Variants in PAPPA observed in about 807,000 individuals in gnomAD.
PAPPA encodes pappalysin-1.
A neutral mutation model predicts 164.0 loss-of-function variants in PAPPA; 60 were observed. The ratio of observed to expected loss-of-function variants is 0.37; its 90% confidence interval spans 0.30 to 0.45. The LOEUF is 0.45. Ranked by LOEUF, PAPPA falls within the 20% of genes least tolerant of loss-of-function variation. The pLI is 1.00. For missense variants in PAPPA, 1,782 were observed against 2,087.3 expected (o/e 0.85, Z 2.85); for synonymous variants, 875 against 814.1 (o/e 1.07, Z -1.27).
intron 1 of PAPPA, among the ~76,000 whole-genome samples, chr9:116,170,094 A>G (rs1009108115): frequency 2.0e-5 from 3 of 152,130 alleles, no homozygotes; most frequent in African/African-American, 4.8e-5. Flanking sequence ...GAGGTTGTGC[A>G]TATTTTTCTG....
chr9:116,252,708 C>T (rs560694977), intron 7 of PAPPA, among the ~76,000 whole-genome samples: 1 of 152,320 alleles, frequency 6.6e-6, no homozygotes, highest in Admixed American at 6.5e-5. Context: ...TTCTCCGTCA[C>T]TTGATGATTC....
chr9:116,190,624 A>T (rs574372437), intron 2 of PAPPA, among the ~76,000 whole-genome samples: 2 of 152,358 alleles, frequency 1.3e-5, no homozygotes, highest in South Asian at 4.1e-4. Flanking sequence ...TGGGGAAAAA[A>T]ACTGTGTATC....
intron 1 of PAPPA, among the ~76,000 whole-genome samples, chr9:116,180,647 C>T (rs748065724): frequency 1.3e-5 from 2 of 152,074 alleles, no homozygotes; most frequent in Non-Finnish European, 2.9e-5. Flanking sequence ...ATACGAATTG[C>T]ATATAAATTG....
intron 9 of PAPPA, among the ~76,000 whole-genome samples, chr9:116,293,656 A>G (rs1845464313): frequency 6.6e-6 from 1 of 152,234 alleles, no homozygotes; most frequent in Admixed American, 6.5e-5. Context: ...GTAGGAGTCT[A>G]TGAAGTATTT....
chr9:116,169,330 TTTTTTTTG>T (rs1843749467), intron 1 of PAPPA, among the ~76,000 whole-genome samples: 1 of 128,320 alleles, frequency 7.8e-6, no homozygotes, highest in Non-Finnish European at 1.7e-5. Context: ...TTTTTTTTTT[TTTTTTTTG>T]AGATGGAGTC....
At chr9:116,300,595 A>G (rs1845568981) in intron 9 of PAPPA, among the ~76,000 whole-genome samples, 1 of 152,166 alleles carries the variant, frequency 6.6e-6, no homozygotes, top group Non-Finnish European at 1.5e-5. Context: ...TTTTGATAGT[A>G]TTTCACTGGG....
rs150845126 is a variant in PAPPA, at chr9:116,293,913, G to A, written c.2954-8844G>A. On this transcript the variant is annotated intron_variant, in intron 9 of 21. Coordinates refer to ENST00000328252, the MANE Select transcript of PAPPA (RefSeq NM_002581.5). ...TGCAGTGAGCCAAGATTGCACCATTGCACTTCAGCCTGGGCAACAAGAGCA... is the reference window on the plus strand; with the variant it reads ...TGCAGTGAGCCAAGATTGCACCATTACACTTCAGCCTGGGCAACAAGAGCA... Among the ~76,000 whole-genome samples, 51 of 152,228 alleles carry A rather than the reference G, an allele frequency of 3.4e-4. No homozygotes were observed. The East Asian group carries it at 9.3e-3, about 28-fold the overall frequency.
At chr9:116,334,249 A>AAAC (rs1321904411) in intron 12 of PAPPA, among the ~76,000 whole-genome samples, 1 of 150,974 alleles carries the variant, frequency 6.6e-6, no homozygotes, top group Non-Finnish European at 1.5e-5. Flanking sequence ...AAAAAAAAAA[A>AAAC]AAAAAAAAAA....
rs918967229 is a variant in PAPPA, at chr9:116,303,783, G to A, written c.3147+833G>A. On this transcript the variant is annotated intron_variant, in intron 10 of 21. Transcript: ENST00000328252. Reference sequence around the variant, plus strand: ...TTGCTTTCTTGATTTAGGTTTAGTCGGGTAGCCCTGGCTTCTAGATGAAAG... The same window carrying A: ...TTGCTTTCTTGATTTAGGTTTAGTCAGGTAGCCCTGGCTTCTAGATGAAAG... Among the ~76,000 whole-genome samples, 8 of 152,230 alleles carry A rather than the reference G, an allele frequency of 5.3e-5. No homozygotes were observed. The South Asian group carries it at 6.2e-4, about 12-fold the overall frequency.
chr9:116,342,732 C>T (rs1846154351), intron 13 of PAPPA, among the ~76,000 whole-genome samples: 2 of 152,080 alleles, frequency 1.3e-5, no homozygotes, highest in African/African-American at 2.4e-5. Context: ...TCCCTGTCTC[C>T]TAGATAAAAA....
At chr9:116,241,708 C>T (rs539236876) in intron 7 of PAPPA, among the ~76,000 whole-genome samples, 20 of 152,216 alleles carry the variant, frequency 1.3e-4, no homozygotes, top group Non-Finnish European at 2.2e-4. Flanking sequence ...TAAGAAGATG[C>T]GTCTCTTGCT....
intron 21 of PAPPA, among the ~76,000 whole-genome samples, chr9:116,387,585 G>C (rs765290610): frequency 1.3e-5 from 2 of 152,152 alleles, no homozygotes; most frequent in Non-Finnish European, 1.5e-5. Flanking sequence ...GTATTGCCCA[G>C]ACTGGTCTTG....
chr9:116,329,170 T>C (rs182427553), intron 10 of PAPPA, among the ~76,000 whole-genome samples: 38 of 152,260 alleles, frequency 2.5e-4, no homozygotes, highest in Middle Eastern at 3.4e-3. Context: ...GAATATAGCA[T>C]AGAATATAGA....
intron 9 of PAPPA, among the ~76,000 whole-genome samples, chr9:116,278,062 CAG>C (rs1174333417): frequency 6.6e-6 from 1 of 152,154 alleles, no homozygotes; most frequent in East Asian, 1.9e-4. Flanking sequence ...AACTGTGGTT[CAG>C]AGAGATTTAG....
intron 9 of PAPPA, among the ~76,000 whole-genome samples, chr9:116,297,398 C>T (rs1845523127): frequency 6.6e-6 from 1 of 152,170 alleles, no homozygotes; most frequent in Admixed American, 6.5e-5. Context: ...GGCAAGTTTC[C>T]TTGTGAAAAT....
intron 7 of PAPPA, among the ~76,000 whole-genome samples, chr9:116,246,037 A>C (rs908975659): frequency 2.0e-5 from 3 of 152,228 alleles, no homozygotes; most frequent in Non-Finnish European, 2.9e-5. Context: ...AATTGTGTGT[A>C]GTTAACATAA....
chr9:116,292,583 G>A (rs1845450462), intron 9 of PAPPA, among the ~76,000 whole-genome samples: 2 of 152,142 alleles, frequency 1.3e-5, no homozygotes, highest in Non-Finnish European at 2.9e-5. Context: ...TGGAGAAAAA[G>A]GGAATGTGGG....
rs747434793 is a variant in PAPPA, at chr9:116,344,551, A to G, written c.3620A>G (p.His1207Arg). 1 of 1,612,720 alleles carries G rather than the reference A, an allele frequency of 6.2e-7. No homozygotes were observed. The highest frequency in any genetic ancestry group is 8.5e-7 in the Non-Finnish European group (1 of 1,178,812). ...GTTTCTTTCCTCCCCAGCTGCGTGCACTTCGCATGTGAGAAAACTGACTGT... is the reference window on the plus strand; with the variant it reads ...GTTTCTTTCCTCCCCAGCTGCGTGCGCTTCGCATGTGAGAAAACTGACTGT... ...TYSPAEQSCV[H>R]FACEKTDCPE... Residue 1207 changes from histidine (H) to arginine (R), a missense_variant, in exon 14 of 22, where the codon CAC (histidine) becomes CGC (arginine). Physicochemically the swap from His to Arg is conservative, Grantham distance 29. Coordinates refer to ENST00000328252, the MANE Select transcript of PAPPA (RefSeq NM_002581.5).
intron 2 of PAPPA, among the ~76,000 whole-genome samples, chr9:116,197,754 A>G (rs964883079): frequency 1.3e-5 from 2 of 152,192 alleles, no homozygotes; most frequent in African/African-American, 4.8e-5. Flanking sequence ...TACGGCCTGT[A>G]TTGTTTTAAT....
Sources: gnomAD v4.1 joint callset for allele counts (sites outside exome capture counted in the v4.1 genomes callset) on GRCh38, gnomAD v4.1.1 for gene constraint, MANE v1.5 for transcripts, NCBI Gene and HGNC (gene_info 2026-07-23, HGNC 2026-07-21) for gene names.